The following BMPER variants were observed in gnomAD, a reference collection of about 807,000 sequenced individuals.
BMPER encodes the protein BMP-binding endothelial regulator protein.
In BMPER, 45 loss-of-function variants were observed where a neutral mutation model predicts 87.3. That is an observed-to-expected ratio of 0.52 (90% CI 0.41 to 0.66). BMPER has a LOEUF of 0.66. Ranked by LOEUF, BMPER falls within the 30% of genes least tolerant of loss-of-function variation. The pLI is 0.00. For synonymous variants in BMPER, 326 were observed against 316.2 expected (o/e 1.03, Z -0.33); for missense variants, 784 against 867.5 (o/e 0.90, Z 1.21).
chr7:33,989,390 GT>G (rs1562672434), intron 6 of BMPER, among the ~76,000 whole-genome samples: 1 of 151,890 alleles, frequency 6.6e-6, no homozygotes, highest in Non-Finnish European at 1.5e-5. Flanking sequence ...TTTTTCATGT[GT>G]TTTTTGGCTG....
chr7:34,018,247 G>T (rs1405404501), intron 6 of BMPER, among the ~76,000 whole-genome samples: 1 of 151,892 alleles, frequency 6.6e-6, no homozygotes, highest in Non-Finnish European at 1.5e-5. Context: ...TCAGAGAGGA[G>T]ATCTGGGAAC....
intron 2 of BMPER, among the ~76,000 whole-genome samples, chr7:33,909,680 C>T: frequency 1.9e-5 from 1 of 53,534 alleles, no homozygotes; most frequent in East Asian, 6.7e-4. Context: ...ATAACATGTA[C>T]AAAAAAAAAA....
intron 13 of BMPER, among the ~76,000 whole-genome samples, chr7:34,114,405 CT>C (rs1358831529): frequency 6.6e-6 from 1 of 152,198 alleles, no homozygotes; most frequent in Non-Finnish European, 1.5e-5. Flanking sequence ...CACTGAGGTT[CT>C]TCTGCAGTTT....
At chr7:34,080,584 C>T (rs1050987629) in intron 12 of BMPER, among the ~76,000 whole-genome samples, 4 of 152,192 alleles carry the variant, frequency 2.6e-5, no homozygotes, top group Non-Finnish European at 1.5e-5. Flanking sequence ...AAAGACATGG[C>T]GCTCTGTAAA....
chr7:33,981,345 A>T (rs543337115), intron 6 of BMPER, among the ~76,000 whole-genome samples: 2 of 151,600 alleles, frequency 1.3e-5, no homozygotes, highest in African/African-American at 4.8e-5. Context: ...TTTTCTTCCC[A>T]TTTCTCCTCC....
rs1215978291 is a variant in BMPER, at chr7:34,153,425, C to T, written c.*152C>T. 5 of 748,352 alleles carry T rather than the reference C, an allele frequency of 6.7e-6. No individual in the cohort carries two copies. The East Asian group carries it at 8.2e-5, about 12-fold the overall frequency. The allele number at this position is 748,352 out of a possible 1,614,324, so 46.4% of individuals were successfully genotyped here. On this transcript the variant is annotated 3_prime_UTR_variant, in exon 15 of 15. Coordinates refer to ENST00000649409, the MANE Select transcript of BMPER (RefSeq NM_001365308.1). ...ATATATATATAGATATATTCAAAAA[C>T]ATTGCATCATTTATATGAACTATAG...
intron 13 of BMPER, among the ~76,000 whole-genome samples, chr7:34,090,485 G>A (rs1789350107): frequency 6.6e-6 from 1 of 152,084 alleles, no homozygotes; most frequent in Non-Finnish European, 1.5e-5. Flanking sequence ...AAGGCTCTCT[G>A]GAGATCCTTA....
chr7:33,907,827 T>A (rs1783860298), intron 2 of BMPER, among the ~76,000 whole-genome samples: 1 of 152,218 alleles, frequency 6.6e-6, no homozygotes, highest in African/African-American at 2.4e-5. Context: ...GCATGCTGTG[T>A]GGCGCTGGAG....
intron 13 of BMPER, among the ~76,000 whole-genome samples, chr7:34,097,853 G>T (rs565856699): frequency 2.6e-5 from 4 of 152,236 alleles, no homozygotes; most frequent in African/African-American, 9.6e-5. Flanking sequence ...GCAATCAATT[G>T]CTAAACATTA....
chr7:33,951,414 T>G (rs931426523), intron 3 of BMPER, among the ~76,000 whole-genome samples: 1 of 152,170 alleles, frequency 6.6e-6, no homozygotes, highest in African/African-American at 2.4e-5. Flanking sequence ...TTGAACATAC[T>G]CTAACCTTTG....
chr7:34,080,371 A>G (rs1159617589), intron 12 of BMPER, among the ~76,000 whole-genome samples: 2 of 152,242 alleles, frequency 1.3e-5, no homozygotes, highest in African/African-American at 4.8e-5. Context: ...AAACTAAGGC[A>G]GGAAACCAAG....
At chr7:34,081,487 G>A (rs1279500866) in intron 12 of BMPER, among the ~76,000 whole-genome samples, 2 of 152,244 alleles carry the variant, frequency 1.3e-5, no homozygotes, top group African/African-American at 4.8e-5. Flanking sequence ...AACACAGGTG[G>A]CTGTGTAGTT....
chr7:34,101,467 C>T (rs1441139914), intron 13 of BMPER, among the ~76,000 whole-genome samples: 1 of 152,174 alleles, frequency 6.6e-6, no homozygotes, highest in Admixed American at 6.5e-5. Flanking sequence ...TTTAAATAAT[C>T]ACTGGATGAT....
chr7:34,019,888 A>T (rs149218152), intron 6 of BMPER, among the ~76,000 whole-genome samples: 50 of 151,748 alleles, frequency 3.3e-4, no homozygotes, highest in African/African-American at 1.2e-3. Context: ...CACACTTCAC[A>T]GGAGGGGATC....
intron 13 of BMPER, among the ~76,000 whole-genome samples, chr7:34,129,630 G>GAGAAAGAGAGAGAGAAAGAA (rs1790515715): frequency 1.8e-5 from 1 of 56,274 alleles, no homozygotes; most frequent in African/African-American, 6.9e-5. Context: ...GAGAGAAAGA[G>GAGAAAGAGAGAGAGAAAGAA]AGAAAGAAAG....
intron 13 of BMPER, among the ~76,000 whole-genome samples, chr7:34,096,753 G>C (rs552348063): frequency 9.2e-5 from 14 of 152,160 alleles, no homozygotes; most frequent in African/African-American, 3.4e-4. Flanking sequence ...AAAGTGCTGA[G>C]AAAATTATAC....
chr7:34,114,045 A>G (rs1040116160), intron 13 of BMPER, among the ~76,000 whole-genome samples: 2 of 152,162 alleles, frequency 1.3e-5, no homozygotes, highest in Non-Finnish European at 2.9e-5. Flanking sequence ...CTTTTAATCT[A>G]GAGGGAGGGA....
At chr7:34,070,816 CT>C (rs60588204) in intron 11 of BMPER, among the ~76,000 whole-genome samples, 9,440 of 119,428 alleles carry the variant, frequency 0.079, 423 homozygotes, top group African/African-American at 0.17. Context: ...AGCGGCAGAG[CT>C]TTTTTTTTTT....
chr7:34,042,297 T>A (rs191129622), intron 6 of BMPER, among the ~76,000 whole-genome samples: 1 of 152,286 alleles, frequency 6.6e-6, no homozygotes, highest in Non-Finnish European at 1.5e-5. Flanking sequence ...CTTACCTTTC[T>A]AAGGAAAGGC....
Sources: allele counts gnomAD v4.1 joint callset (sites outside exome capture counted in the v4.1 genomes callset), GRCh38; gene constraint gnomAD v4.1.1; transcripts MANE v1.5; gene names NCBI Gene and HGNC (gene_info 2026-07-23, HGNC 2026-07-21).